The following CDX1 variants were observed in gnomAD, a reference collection of about 807,000 sequenced individuals.
CDX1 encodes caudal type homeobox 1.
In CDX1, 9 loss-of-function variants were observed where a neutral mutation model predicts 16.9. The ratio of observed to expected loss-of-function variants is 0.53; its 90% CI spans 0.32 to 0.93. The LOEUF is 0.93. Ranked by LOEUF, CDX1 falls within the 40% of genes least tolerant of loss-of-function variation. The pLI, the probability that CDX1 is intolerant of heterozygous loss-of-function variation, is 0.04. For synonymous variants in CDX1, 179 were observed against 179.0 expected (o/e 1.00, Z 0.00); for missense variants, 393 against 386.1 (o/e 1.02, Z -0.15).
intron 1 of CDX1, among the ~76,000 whole-genome samples, 168 bp downstream of exon 1, chr5:150,167,489 C>G (rs556858900): frequency 6.6e-6 from 1 of 152,356 alleles, no homozygotes; most frequent in African/African-American, 2.4e-5. Flanking sequence ...TCTCCTCAGT[C>G]TCAGGCTATC....
chr5:150,167,090 TG>T lies in CDX1; in HGVS notation c.217del (p.Ala73ProfsTer126). 1 of 1,376,844 alleles carries T rather than the reference TG, an allele frequency of 7.3e-7. No homozygotes were observed. Among genetic ancestry groups the T allele is most frequent in the South Asian group, 1.7e-5 (1 of 59,218 alleles). 85.3% of individuals were successfully genotyped at this position (1,376,844 alleles called of 1,614,324 possible). A position where few individuals can be genotyped will look rare whatever the true frequency, so the allele number is the denominator to read the frequency against. ...GAPFPAPKDD[W>X]AAAYGPGPAA... ...GCCCTTCCCTGCGCCCAAGGACGAC[TG>T]GGCCGCCGCCTACGGCCCGGGCCCC... On this transcript the variant is annotated frameshift_variant, in exon 1 of 3. Transcript: ENST00000231656. LOFTEE classifies it high-confidence loss of function.
At chr5:150,182,731 C>T (rs576346233) in intron 1 of CDX1, 37 bp from the exon 2 acceptor site, 30 of 1,526,748 alleles carry the variant, frequency 2.0e-5, no homozygotes, top group Non-Finnish European at 2.6e-5. Flanking sequence ...CTCCTCCTCT[C>T]AACTCACCTT....
At chr5:150,172,626 AAGG>A (rs1426991056) in intron 1 of CDX1, among the ~76,000 whole-genome samples, 3 of 152,132 alleles carry the variant, frequency 2.0e-5, no homozygotes, top group Non-Finnish European at 4.4e-5. Flanking sequence ...GTTGGGGGGA[AAGG>A]AGGCCAGGCA....
chr5:150,183,462 C>T lies in CDX1; in HGVS notation c.592-12C>T. On this transcript the variant is annotated splice_polypyrimidine_tract_variant and intron_variant, in intron 2 of 2. Transcript: ENST00000231656. ...CTGCTGCCCACTCCATCTCTGTCCT[C>T]CAACCCCACAGGTGAAGATCTGGTT... 1 of 1,587,222 alleles carries T rather than the reference C, an allele frequency of 6.3e-7. No individual in the cohort carries two copies. Among genetic ancestry groups the T allele is most frequent in the South Asian group, 1.1e-5 (1 of 87,058 alleles).
chr5:150,178,125 T>C (rs1761591804), intron 1 of CDX1, among the ~76,000 whole-genome samples: 1 of 152,204 alleles, frequency 6.6e-6, no homozygotes, highest in African/African-American at 2.4e-5. Context: ...TGAAAAAGCT[T>C]CCCAGGCAGT....
At chr5:150,183,228 G>A (rs183607343) in intron 2 of CDX1, among the ~76,000 whole-genome samples, 99 of 152,338 alleles carry the variant, frequency 6.5e-4, no homozygotes, top group African/African-American at 2.3e-3. Context: ...AGGCTTCCTG[G>A]AAGAAGTGTG....
In CDX1 at chr5:150,173,445, A is replaced by G. The variant is rs183617388; in HGVS notation, c.445+6124A>G. On this transcript the variant is annotated intron_variant, in intron 1 of 2. Transcript: ENST00000231656. Reference sequence around the variant, plus strand: ...TTCATGACATGGAAGCCTCCTTCTCAACCTCAGGTCTTGGCTTAAATGTGG... The same window carrying G: ...TTCATGACATGGAAGCCTCCTTCTCGACCTCAGGTCTTGGCTTAAATGTGG... 1.8e-4 allele frequency among the ~76,000 whole-genome samples: 27 copies of G among 152,200 alleles called. No homozygotes were observed. The East Asian group carries it at 5.0e-3, about 28-fold the overall frequency.
At position 150,167,195 on chromosome 5, in the gene CDX1, C is replaced by A; in HGVS notation, c.319C>A (p.Pro107Thr). The change falls in exon 1 of 3, where the codon CCC becomes ACC. Residue 107 changes from proline to threonine, a missense_variant. Transcript: ENST00000231656. ...DFSPVPAPPG[P>T]GPGLLAQPLG... ...TAGCCCGGTGCCGGCGCCCCCTGGG[C>A]CCGGCCCGGGCCTCCTGGCGCAGCC... The A allele has an allele frequency of 3.1e-6, 4 of 1,269,862 alleles. No homozygotes were observed. The highest frequency in any genetic ancestry group is 3.9e-6 in the Non-Finnish European group (4 of 1,013,146). 78.7% of individuals were successfully genotyped at this position (1,269,862 alleles called of 1,614,324 possible).
At position 150,184,372 on chromosome 5, in the gene CDX1, A is replaced by G. The variant is rs1316367918; in HGVS notation, c.*692A>G. 1 of 152,282 alleles carries G rather than the reference A, an allele frequency of 6.6e-6. No homozygotes were observed. Among genetic ancestry groups the G allele is most frequent in the South Asian group, 2.1e-4 (1 of 4,822 alleles). The allele number at this position is 152,282 out of a possible 1,614,324, so 9.4% of individuals were successfully genotyped here. A position where few individuals can be genotyped will look rare whatever the true frequency, so the allele number is the denominator to read the frequency against. The stretch of plus-strand genomic sequence containing the variant: ...TTTCTACACCCCCGCCAGGCTGCCC[A>G]TCAGGGCCCAGGGAGCCCCCAGAGG... On this transcript the variant is annotated 3_prime_UTR_variant, in exon 3 of 3. Transcript: ENST00000231656.
At chr5:150,170,539 G>T (rs1374614797) in intron 1 of CDX1, among the ~76,000 whole-genome samples, 1 of 152,198 alleles carries the variant, frequency 6.6e-6, no homozygotes, top group African/African-American at 2.4e-5. Context: ...GTGAGATCTT[G>T]GCTTTCACAC....
chr5:150,175,044 T>A (rs1466786864), intron 1 of CDX1, among the ~76,000 whole-genome samples: 1 of 152,220 alleles, frequency 6.6e-6, no homozygotes, highest in Non-Finnish European at 1.5e-5. Context: ...CCCAAAGTGC[T>A]GGGATTACAG....
chr5:150,172,542 A>G (rs754991248), intron 1 of CDX1, among the ~76,000 whole-genome samples: 9 of 152,140 alleles, frequency 5.9e-5, no homozygotes, highest in Non-Finnish European at 1.2e-4. Context: ...CAGCCCAGCA[A>G]TCGTCTGTGA....
intron 1 of CDX1, among the ~76,000 whole-genome samples, chr5:150,174,347 G>C (rs17110994): frequency 0.021 from 3,198 of 152,370 alleles, 122 homozygotes; most frequent in African/African-American, 0.073. Flanking sequence ...AAGGGATGCA[G>C]TTGCTGTTTG....
At chr5:150,183,174 A>G (rs1284660839) in intron 2 of CDX1, among the ~76,000 whole-genome samples, 1 of 152,216 alleles carries the variant, frequency 6.6e-6, no homozygotes, top group Non-Finnish European at 1.5e-5. Flanking sequence ...TAGGAGGTGC[A>G]CGTGCTATTT....
In CDX1 at chr5:150,167,187, C is replaced by T; in HGVS notation, c.311C>T (p.Pro104Leu). ...PPPDFSPVPA[P>L]PGPGPGLLAQ... ...CCAGACTTTAGCCCGGTGCCGGCGC[C>T]CCCTGGGCCCGGCCCGGGCCTCCTG... Residue 104 changes from proline to leucine, a missense_variant, in exon 1 of 3, where the codon CCC (proline) becomes CTC (leucine). Coordinates refer to ENST00000231656, the MANE Select transcript of CDX1 (RefSeq NM_001804.3). The T allele has an allele frequency of 4.7e-6, 6 of 1,270,640 alleles. No individual in the cohort carries two copies. Among genetic ancestry groups the T allele is most frequent in the Non-Finnish European group, 4.9e-6 (5 of 1,013,588 alleles). The allele number at this position is 1,270,640 out of a possible 1,614,324, so 78.7% of individuals were successfully genotyped here.
At chr5:150,183,053 C>T in intron 2 of CDX1, 140 bp downstream of exon 2, 1 of 1,063,488 alleles carries the variant, frequency 9.4e-7, no homozygotes, top group Non-Finnish European at 1.3e-6. Context: ...ACAGCAGAAA[C>T]TGAGGTGCTA....
At chr5:150,167,455 C>T (rs1406080766) in intron 1 of CDX1, 134 bp downstream of exon 1, 2 of 514,396 alleles carry the variant, frequency 3.9e-6, no homozygotes, top group Non-Finnish European at 6.0e-6. Context: ...CACTCTCGCC[C>T]TGGGGGGCTG....
chr5:150,174,934 G>A (rs553961647), intron 1 of CDX1, among the ~76,000 whole-genome samples: 38 of 152,158 alleles, frequency 2.5e-4, no homozygotes, highest in Non-Finnish European at 7.4e-5. Context: ...ACGCCACCAC[G>A]CCCAGCTAAT....
At position 150,182,584 on chromosome 5, in the gene CDX1, G is replaced by C. The variant is rs1752469829; in HGVS notation, c.446-184G>C. ...GAGGAGTACTTGCCTCCCAGACTGT[G>C]AGTCTGTGGGTCTGAGTCTGGGAAA... On this transcript the variant is annotated intron_variant, in intron 1 of 2. Coordinates refer to ENST00000231656, the MANE Select transcript of CDX1 (RefSeq NM_001804.3). 2.0e-5 allele frequency among the ~76,000 whole-genome samples: 3 copies of C among 152,322 alleles called. 1 individual carries two copies. In the South Asian group the frequency reaches 6.2e-4, roughly 32 times the overall value.
Sources: allele counts gnomAD v4.1 joint callset (sites outside exome capture counted in the v4.1 genomes callset), GRCh38; gene constraint gnomAD v4.1.1; transcripts MANE v1.5; gene names NCBI Gene and HGNC (gene_info 2026-07-23, HGNC 2026-07-21).